The following CAP2 variants were observed in gnomAD, a reference collection of about 807,000 sequenced individuals.
The protein encoded by CAP2 is adenylyl cyclase-associated protein 2.
CAP2 carries 24 observed loss-of-function variants against 57.7 expected under a neutral mutation model. That is an observed-to-expected ratio of 0.42 (90% confidence interval 0.30 to 0.58). CAP2 has a LOEUF of 0.58. CAP2 is among the 20% of genes least tolerant of loss of function. CAP2 has a pLI of 0.22. For missense variants in CAP2, 501 were observed against 590.3 expected (o/e 0.85, Z 1.57); for synonymous variants, 194 against 207.2 (o/e 0.94, Z 0.55).
chr6:17,556,566 T>C lies in CAP2; in HGVS notation c.*124T>C, dbSNP rs1174504348. 2 of 714,998 alleles carry C rather than the reference T, an allele frequency of 2.8e-6. No homozygotes were observed. Among genetic ancestry groups the C allele is most frequent in the Non-Finnish European group, 2.6e-6 (1 of 392,040 alleles). The allele number at this position is 714,998 out of a possible 1,614,324, so 44.3% of individuals were successfully genotyped here. On this transcript the variant is annotated 3_prime_UTR_variant, in exon 13 of 13. Transcript: ENST00000229922. ...TTAGCTTTGGCCTCCAACGATTCTGTGCTATAGATACAGCACTGTTTCTGG... is the reference window on the plus strand; with the variant it reads ...TTAGCTTTGGCCTCCAACGATTCTGCGCTATAGATACAGCACTGTTTCTGG...
At chr6:17,551,681 G>A (rs1334708137) in intron 12 of CAP2, 77 bp downstream of exon 12, 1 of 1,118,966 alleles carries the variant, frequency 8.9e-7, no homozygotes, top group Non-Finnish European at 1.3e-6. Context: ...TGATTAATCA[G>A]CTACCAACCT....
At chr6:17,555,768 T>C (rs1359974215) in intron 12 of CAP2, among the ~76,000 whole-genome samples, 1 of 151,932 alleles carries the variant, frequency 6.6e-6, no homozygotes, top group East Asian at 1.9e-4. Context: ...GGTTTCACCA[T>C]GTTGGCCAGG....
At chr6:17,547,643 C>G (rs931831732) in intron 11 of CAP2, among the ~76,000 whole-genome samples, 3 of 151,970 alleles carry the variant, frequency 2.0e-5, no homozygotes, top group Non-Finnish European at 4.4e-5. Flanking sequence ...AGATTGAGAC[C>G]ATCCTGGCTA....
At chr6:17,434,867 G>A (rs1047532520) in intron 3 of CAP2, among the ~76,000 whole-genome samples, 21 of 150,504 alleles carry the variant, frequency 1.4e-4, no homozygotes, top group Admixed American at 4.0e-4. Flanking sequence ...AAAAGTGGGC[G>A]AAGGACATGA....
intron 4 of CAP2, among the ~76,000 whole-genome samples, chr6:17,466,572 T>A (rs1381762160): frequency 6.6e-6 from 1 of 152,232 alleles, no homozygotes; most frequent in Non-Finnish European, 1.5e-5. Context: ...TCAGTATTCA[T>A]TTGAATCATC....
chr6:17,481,203 T>C (rs1761280046), intron 4 of CAP2, among the ~76,000 whole-genome samples: 1 of 152,170 alleles, frequency 6.6e-6, no homozygotes, highest in Non-Finnish European at 1.5e-5. Context: ...TGCTTTTTGA[T>C]ATGTTATTTG....
At chr6:17,396,894 G>A (rs1475382819) in intron 1 of CAP2, among the ~76,000 whole-genome samples, 2 of 152,116 alleles carry the variant, frequency 1.3e-5, no homozygotes, top group African/African-American at 4.8e-5. Context: ...GTATCCAGTT[G>A]CATCTTTGTG....
chr6:17,529,899 C>T (rs1277449311), intron 7 of CAP2, among the ~76,000 whole-genome samples: 1 of 151,062 alleles, frequency 6.6e-6, no homozygotes, highest in East Asian at 2.0e-4. Flanking sequence ...TTAAAATATT[C>T]AGTTGTCACT....
Position 17,406,398 on chromosome 6 carries a change from C to CTTTTTTT in CAP2, c.-2+12661_-2+12667dup, listed in dbSNP as rs777803474. 1.9e-3 allele frequency among the ~76,000 whole-genome samples: 190 copies of CTTTTTTT among 102,478 alleles called. 26 individuals carry two copies. The highest frequency in any genetic ancestry group is 0.01 in the African/African-American group (176 of 17,006). The allele number at this position is 102,478 out of a possible 152,430, so 67.2% of individuals were successfully genotyped here. ...CTTTTCTGTCAGTAAGCCCAGATTT[C>CTTTTTTT]TTTTTTTTTTTTTTTGAGGCAGTCT... On this transcript the variant is annotated intron_variant, in intron 1 of 12. Coordinates refer to ENST00000229922, the MANE Select transcript of CAP2 (RefSeq NM_006366.3).
intron 3 of CAP2, among the ~76,000 whole-genome samples, chr6:17,442,337 C>T (rs1056543011): frequency 2.0e-5 from 3 of 152,144 alleles, no homozygotes; most frequent in South Asian, 2.1e-4. Context: ...TGATGTTCGC[C>T]GCCAGGAAAC....
At chr6:17,549,425 T>C (rs1353982385) in intron 11 of CAP2, among the ~76,000 whole-genome samples, 1 of 151,924 alleles carries the variant, frequency 6.6e-6, no homozygotes, top group East Asian at 1.9e-4. Context: ...AATCGTGCCA[T>C]TGTACTCCAG....
chr6:17,403,382 C>T (rs532007032), intron 1 of CAP2, among the ~76,000 whole-genome samples: 56 of 152,352 alleles, frequency 3.7e-4, no homozygotes, highest in African/African-American at 5.0e-4. Flanking sequence ...GGATTACTGG[C>T]GTGAGCCACA....
chr6:17,445,752 A>G (rs890902702), intron 3 of CAP2, among the ~76,000 whole-genome samples: 15 of 152,294 alleles, frequency 9.8e-5, no homozygotes, highest in South Asian at 2.1e-4. Flanking sequence ...CCTCTCCCCA[A>G]AGCTCATTTG....
chr6:17,513,939 C>A lies in CAP2; in HGVS notation c.621C>A (p.Leu207=). ...TCAAGGAACACCACACCACGGGCCT[C>A]ACATGGAGCAAAACAGTGAGTACGA... The part of the protein sequence containing the change: ...AYIKEHHTTG[L]TWSKTGPVAS... Residue 207 remains leucine, a synonymous_variant, in exon 7 of 13, where the codon CTC becomes CTA. Coordinates refer to ENST00000229922, the MANE Select transcript of CAP2 (RefSeq NM_006366.3). This position sits in a 1 kb window ranked among gnomAD's most constrained non-coding sequence, Gnocchi z 4.3. 6.2e-7 allele frequency: 1 copy of A among 1,610,068 alleles called. No individual in the cohort carries two copies. The highest frequency in any genetic ancestry group is 8.5e-7 in the Non-Finnish European group (1 of 1,176,318).
At chr6:17,431,430 T>C (rs905122575) in intron 3 of CAP2, among the ~76,000 whole-genome samples, 2 of 152,348 alleles carry the variant, frequency 1.3e-5, no homozygotes, top group Non-Finnish European at 1.5e-5. Flanking sequence ...CATACTATGA[T>C]TAAATCACAT....
At chr6:17,554,723 TG>T (rs1281644623) in intron 12 of CAP2, among the ~76,000 whole-genome samples, 1 of 152,246 alleles carries the variant, frequency 6.6e-6, no homozygotes, top group South Asian at 2.1e-4. Flanking sequence ...CCGCATGGAC[TG>T]GAAGTCCGAG....
chr6:17,512,265 A>G (rs958901409), intron 6 of CAP2, among the ~76,000 whole-genome samples: 1 of 151,932 alleles, frequency 6.6e-6, no homozygotes, highest in Non-Finnish European at 1.5e-5. Context: ...GGTGGCGCAC[A>G]TGTAGCTGTA....
chr6:17,540,454 A>G (rs1262428128), intron 8 of CAP2, among the ~76,000 whole-genome samples: 2 of 152,068 alleles, frequency 1.3e-5, no homozygotes, highest in Non-Finnish European at 2.9e-5. Flanking sequence ...AATTAAAAAA[A>G]AAAAAAAAAA....
chr6:17,455,399 AG>A (rs1760533417), intron 3 of CAP2, among the ~76,000 whole-genome samples: 1 of 152,154 alleles, frequency 6.6e-6, no homozygotes, highest in Admixed American at 6.5e-5. Context: ...GGGAAGAATC[AG>A]GAGAAGAGAT....
Sources: allele counts gnomAD v4.1 joint callset (sites outside exome capture counted in the v4.1 genomes callset), GRCh38; gene constraint gnomAD v4.1.1; non-coding constraint Gnocchi (gnomAD v3.1); transcripts MANE v1.5; gene names NCBI Gene and HGNC (gene_info 2026-07-23, HGNC 2026-07-21).